MAD1L1: variants seen among roughly 807,000 people sequenced by gnomAD.
MAD1L1 encodes mitotic arrest deficient 1 like 1.
A neutral mutation model predicts 96.9 loss-of-function variants in MAD1L1; 95 were observed. The ratio of observed to expected loss-of-function variants is 0.98; its 90% confidence interval spans 0.83 to 1.16. The LOEUF is 1.16. Ranked by LOEUF, MAD1L1 falls within the 50% of genes most tolerant of loss-of-function variation. The pLI is 0.00. For synonymous variants in MAD1L1, 473 were observed against 396.6 expected, an observed-to-expected ratio of 1.19 and a Z score of -2.29; for missense variants, 1,007 against 954.4, an observed-to-expected ratio of 1.06 and a Z score of -0.73.
At chr7:2,143,580 G>A (rs1354627519) in intron 11 of MAD1L1, among the ~76,000 whole-genome samples, 3 of 151,498 alleles carry the variant, frequency 2.0e-5, no homozygotes, top group South Asian at 4.2e-4. Context: ...AATGACTCTC[G>A]AGTCCCTTAT....
At chr7:1,978,269 C>T (rs953360331) in intron 15 of MAD1L1, among the ~76,000 whole-genome samples, 1 of 152,232 alleles carries the variant, frequency 6.6e-6, no homozygotes, top group African/African-American at 2.4e-5. Context: ...CTACACACTA[C>T]CCCCTCTCCG....
chr7:2,013,484 T>A (rs1318024046), intron 13 of MAD1L1, among the ~76,000 whole-genome samples: 1 of 152,196 alleles, frequency 6.6e-6, no homozygotes, highest in Non-Finnish European at 1.5e-5. Flanking sequence ...GACCTGGGCA[T>A]GTCCCTTGAC....
intron 18 of MAD1L1, among the ~76,000 whole-genome samples, chr7:1,831,075 C>T (rs1411962342): frequency 6.6e-6 from 1 of 151,256 alleles, no homozygotes; most frequent in Non-Finnish European, 1.5e-5. Context: ...GCCAATTCGC[C>T]CTGTGTTCAC....
At chr7:1,941,790 C>A (rs1283721267) in intron 16 of MAD1L1, among the ~76,000 whole-genome samples, 1 of 152,224 alleles carries the variant, frequency 6.6e-6, no homozygotes, top group Non-Finnish European at 1.5e-5. Context: ...GCACCGCTGA[C>A]CAGGGCTGAG....
intron 15 of MAD1L1, among the ~76,000 whole-genome samples, chr7:1,975,722 G>A (rs915769071): frequency 6.6e-6 from 1 of 152,210 alleles, no homozygotes; most frequent in Non-Finnish European, 1.5e-5. Context: ...AGATCACAGA[G>A]TGTCCTGAAG....
At chr7:2,013,470 C>T (rs768124292) in intron 13 of MAD1L1, among the ~76,000 whole-genome samples, 3 of 152,240 alleles carry the variant, frequency 2.0e-5, no homozygotes, top group East Asian at 1.9e-4. Context: ...CACACCAGCT[C>T]GGTGACCTGG....
intron 11 of MAD1L1, among the ~76,000 whole-genome samples, chr7:2,116,425 T>C (rs1787696740): frequency 6.6e-6 from 1 of 152,120 alleles, no homozygotes; most frequent in South Asian, 2.1e-4. Flanking sequence ...GACAAGAGCC[T>C]TGCCAGGGAG....
chr7:2,085,401 A>G (rs1161261130), intron 11 of MAD1L1, among the ~76,000 whole-genome samples: 1 of 152,214 alleles, frequency 6.6e-6, no homozygotes, highest in African/African-American at 2.4e-5. Context: ...CAGCGCATGT[A>G]GCTGTCCCTG....
chr7:2,091,660 C>T (rs2128545323), intron 11 of MAD1L1, among the ~76,000 whole-genome samples: 1 of 151,940 alleles, frequency 6.6e-6, no homozygotes, highest in East Asian at 1.9e-4. Context: ...CCTGTAGTCC[C>T]AGCTACTCTG....
rs1249320135 is a variant in MAD1L1 at position 1,904,284 on chromosome 7, A to G, written c.1808-5894T>C. Among the ~76,000 whole-genome samples, 75 of 147,884 alleles carry G rather than the reference A, an allele frequency of 5.1e-4. 1 individual carries two copies. Among genetic ancestry groups the G allele is most frequent in the Admixed American group, 1.1e-3 (16 of 14,964 alleles). On this transcript the variant is annotated intron_variant, in intron 17 of 18. Transcript: ENST00000265854. ...GCACTGTTCCAGGCAGTGAGGACGC[A>G]GTGGCCTATGGAAGACGCTCTTGCG...
intron 17 of MAD1L1, among the ~76,000 whole-genome samples, chr7:1,917,169 C>T (rs1788460222): frequency 6.6e-6 from 1 of 152,230 alleles, no homozygotes; most frequent in Non-Finnish European, 1.5e-5. Context: ...GCTCAGAACA[C>T]ACACGGACAG....
chr7:2,002,507 A>G (rs1781843704), intron 13 of MAD1L1, among the ~76,000 whole-genome samples: 1 of 152,208 alleles, frequency 6.6e-6, no homozygotes, highest in African/African-American at 2.4e-5. Flanking sequence ...AGAGGAAATC[A>G]ATTCACTCTC....
At chr7:2,188,953 A>G (rs997167284) in intron 10 of MAD1L1, among the ~76,000 whole-genome samples, 1 of 152,250 alleles carries the variant, frequency 6.6e-6, no homozygotes, top group African/African-American at 2.4e-5. Context: ...AAAAATATTC[A>G]AAACATACAA....
rs146069214 is a variant in MAD1L1 at position 2,222,826 on chromosome 7, A to G, written c.292-72T>C. On this transcript the variant is annotated intron_variant, in intron 4 of 18. Coordinates refer to ENST00000265854, the MANE Select transcript of MAD1L1 (RefSeq NM_001013836.2). ...GTCAGCGGGGAGCCCTCACCCCCAC[A>G]CCTCTCTCAGAACATGCCGAGGCAC... 353 of 1,243,140 alleles carry G rather than the reference A, an allele frequency of 2.8e-4. 4 individuals are homozygous for G. The African/African-American group carries it at 4.7e-3, about 17-fold the overall frequency. The allele number at this position is 1,243,140 out of a possible 1,614,324, so 77.0% of individuals were successfully genotyped here.
Position 2,195,224 on chromosome 7 carries a change from A to C in MAD1L1, c.986+17988T>G, listed in dbSNP as rs78044281. On this transcript the variant is annotated intron_variant, in intron 10 of 18. Coordinates refer to ENST00000265854, the MANE Select transcript of MAD1L1 (RefSeq NM_001013836.2). ...ACAATAAAAACACCTAAACTAAAAG[A>C]AATGCTTGTAATAGCTACCAATGAC... Among the ~76,000 whole-genome samples the C allele has an allele frequency of 9.0e-3, 1,375 of 152,330 alleles. 21 individuals are homozygous for C. The highest frequency in any genetic ancestry group is 0.031 in the African/African-American group (1,286 of 41,566).
intron 11 of MAD1L1, among the ~76,000 whole-genome samples, chr7:2,099,340 T>C (rs2128549927): frequency 6.6e-6 from 1 of 152,266 alleles, no homozygotes; most frequent in East Asian, 1.9e-4. Flanking sequence ...TCAACAGGAG[T>C]TGTTTCCCGC....
intron 11 of MAD1L1, among the ~76,000 whole-genome samples, chr7:2,143,529 G>T: frequency 6.6e-6 from 1 of 151,588 alleles, no homozygotes; most frequent in South Asian, 2.1e-4. Context: ...GAAAAGCACC[G>T]TCTGTGACAG....
At chr7:1,938,723 G>C (rs1354174477) in intron 16 of MAD1L1, among the ~76,000 whole-genome samples, 1 of 151,268 alleles carries the variant, frequency 6.6e-6, no homozygotes, top group Non-Finnish European at 1.5e-5. Flanking sequence ...ACATGGGCCA[G>C]GGCTGGGGCC....
At chr7:2,094,740 C>G (rs982897645) in intron 11 of MAD1L1, among the ~76,000 whole-genome samples, 10 of 152,166 alleles carry the variant, frequency 6.6e-5, no homozygotes, top group Non-Finnish European at 1.5e-4. Context: ...CTCGCAGGTG[C>G]AAAGCAGCAA....
Sources: allele counts gnomAD v4.1 joint callset (sites outside exome capture counted in the v4.1 genomes callset), GRCh38; gene constraint gnomAD v4.1.1; transcripts MANE v1.5; gene names NCBI Gene and HGNC (gene_info 2026-07-23, HGNC 2026-07-21).